Variants in CCDC30 observed in about 807,000 individuals in gnomAD.
CCDC30 encodes the protein coiled-coil domain-containing protein 30.
In CCDC30, 70 loss-of-function variants were observed where a neutral mutation model predicts 100.2. That is an observed-to-expected ratio of 0.70 (90% CI 0.58 to 0.85). CCDC30 has a LOEUF of 0.85. CCDC30 is among the 40% of genes least tolerant of loss of function. The pLI is 0.00. For missense variants in CCDC30, 652 were observed against 771.2 expected (o/e 0.85, Z 1.83); for synonymous variants, 233 against 269.5 (o/e 0.86, Z 1.33).
rs893687089 is a variant in CCDC30, at chr1:42,608,868, A to G, written c.1165-2110A>G. On this transcript the variant is annotated intron_variant, in intron 10 of 16. Transcript: ENST00000668663. ...ACATGATGAGGAAGAAAACAGAAAA[A>G]GCAGTACTAGAAAACAAATTGACCT... 3.3e-5 allele frequency among the ~76,000 whole-genome samples: 5 copies of G among 152,292 alleles called. No homozygotes were observed. The South Asian group carries it at 8.3e-4, about 25-fold the overall frequency.
chr1:42,548,438 A>G (rs1645187018), intron 6 of CCDC30, among the ~76,000 whole-genome samples: 1 of 152,196 alleles, frequency 6.6e-6, no homozygotes, highest in Admixed American at 6.5e-5. Context: ...TTATTTAGAC[A>G]GTGATTGAAA....
At chr1:42,492,902 C>T (rs1352618139) in intron 4 of CCDC30, among the ~76,000 whole-genome samples, 1 of 152,096 alleles carries the variant, frequency 6.6e-6, no homozygotes, top group Non-Finnish European at 1.5e-5. Flanking sequence ...GCCTCAGCCT[C>T]CCAAAGTGCT....
chr1:42,588,710 T>C (rs1026122001), intron 9 of CCDC30, among the ~76,000 whole-genome samples: 3 of 152,210 alleles, frequency 2.0e-5, no homozygotes, highest in Non-Finnish European at 4.4e-5. Flanking sequence ...ATAATTGTTC[T>C]CCTTGGTAAG....
chr1:42,524,945 T>C (rs1483944510), intron 6 of CCDC30, among the ~76,000 whole-genome samples: 1 of 152,256 alleles, frequency 6.6e-6, no homozygotes, highest in Non-Finnish European at 1.5e-5. Context: ...TCACTGGATA[T>C]AGAATTTTAA....
intron 6 of CCDC30, chr1:42,500,459 G>A: frequency 3.0e-6 from 2 of 676,502 alleles, no homozygotes; most frequent in Non-Finnish European, 2.6e-6. Context: ...TGTCGCCCAG[G>A]CTAGAGTGCA....
intron 10 of CCDC30, among the ~76,000 whole-genome samples, chr1:42,608,803 A>G (rs949447814): frequency 2.0e-5 from 3 of 152,026 alleles, no homozygotes; most frequent in Admixed American, 6.6e-5. Context: ...GAATTACCAT[A>G]AGACAACTTG....
chr1:42,611,727 A>G lies in CCDC30; in HGVS notation c.1277+637A>G, dbSNP rs1378066125. On this transcript the variant is annotated intron_variant, in intron 11 of 16. Transcript: ENST00000668663. ...GATCTCACTCTGTCACCCAGGCTGG[A>G]GTGGAGTGTCACGATCACAACTCAC... Among the ~76,000 whole-genome samples, 6 of 152,110 alleles carry G rather than the reference A, an allele frequency of 3.9e-5. No individual in the cohort carries two copies. In the East Asian group the frequency reaches 1.2e-3, roughly 29 times the overall value.
chr1:42,582,937 A>G (rs1054773353), intron 9 of CCDC30, among the ~76,000 whole-genome samples: 2 of 152,224 alleles, frequency 1.3e-5, no homozygotes, highest in Non-Finnish European at 2.9e-5. Context: ...TTTGGCACCC[A>G]TCAAGTGGAA....
At chr1:42,569,010 A>G (rs4660647) in intron 7 of CCDC30, 54,452 of 151,712 alleles carry the variant, frequency 0.36, 9,966 homozygotes, top group Admixed American at 0.4. Flanking sequence ...AGGCATACTT[A>G]TGAGACTAAG....
At chr1:42,578,997 T>G (rs1345276310) in intron 8 of CCDC30, among the ~76,000 whole-genome samples, 1 of 152,096 alleles carries the variant, frequency 6.6e-6, no homozygotes, top group Non-Finnish European at 1.5e-5. Flanking sequence ...TAACTTTTTT[T>G]GTTTTTGTTT....
intron 11 of CCDC30, among the ~76,000 whole-genome samples, chr1:42,633,927 TC>T (rs1647091231): frequency 6.6e-6 from 1 of 151,866 alleles, no homozygotes; most frequent in African/African-American, 2.4e-5. Context: ...AGCAAACACG[TC>T]CTTCACATGG....
chr1:42,528,927 C>T (rs561037334), intron 6 of CCDC30, among the ~76,000 whole-genome samples: 1 of 152,328 alleles, frequency 6.6e-6, no homozygotes, highest in Non-Finnish European at 1.5e-5. Flanking sequence ...TTTTCCCTAA[C>T]GTTTAACATT....
At chr1:42,589,561 C>T (rs1335707169) in intron 10 of CCDC30, 78 bp downstream of exon 14, 1 of 1,266,482 alleles carries the variant, frequency 7.9e-7, no homozygotes, top group East Asian at 2.3e-5. Flanking sequence ...GTGCCTAGCA[C>T]TTTACTAAAC....
intron 7 of CCDC30, among the ~76,000 whole-genome samples, chr1:42,572,268 A>G (rs1312388026): frequency 6.6e-6 from 1 of 152,214 alleles, no homozygotes; most frequent in African/African-American, 2.4e-5. Context: ...GTTTGCAAAC[A>G]AGGTTGAGCA....
At chr1:42,538,149 CAAAAAAAAAAA>C (rs776412637) in intron 6 of CCDC30, among the ~76,000 whole-genome samples, 67 of 82,362 alleles carry the variant, frequency 8.1e-4, no homozygotes, top group East Asian at 3.0e-3. Flanking sequence ...ACTGTCTCCA[CAAAAAAAAAAA>C]AAAAAAAAAA....
chr1:42,575,646 T>A (rs1369190420), intron 7 of CCDC30, among the ~76,000 whole-genome samples: 1 of 750 alleles, frequency 1.3e-3, no homozygotes, highest in African/African-American at 2.3e-3. Context: ...AGAGACCCTG[T>A]CTCAAAAAAA....
At chr1:42,528,767 G>A (rs1644763274) in intron 6 of CCDC30, among the ~76,000 whole-genome samples, 1 of 152,160 alleles carries the variant, frequency 6.6e-6, no homozygotes, top group African/African-American at 2.4e-5. Context: ...ACCTCCACAT[G>A]GCTGTCTGTA....
chr1:42,469,962 T>C (rs898549854), intron 1 of CCDC30, among the ~76,000 whole-genome samples: 3 of 152,342 alleles, frequency 2.0e-5, no homozygotes, highest in Admixed American at 1.3e-4. Context: ...GCCATGAATT[T>C]GTAATGGTTC....
chr1:42,499,997 T>C (rs1644284729), intron 6 of CCDC30, among the ~76,000 whole-genome samples: 1 of 152,176 alleles, frequency 6.6e-6, no homozygotes, highest in African/African-American at 2.4e-5. Context: ...AACATGCAAG[T>C]TCTTTCCTTC....
Sources: gnomAD v4.1 joint callset for allele counts (sites outside exome capture counted in the v4.1 genomes callset) on GRCh38, gnomAD v4.1.1 for gene constraint, MANE v1.5 for transcripts, NCBI Gene and HGNC (gene_info 2026-07-23, HGNC 2026-07-21) for gene names.